Variants in POLE observed in about 807,000 individuals in gnomAD.
POLE encodes the protein DNA polymerase epsilon, catalytic subunit.
Under a neutral mutation model 279.2 loss-of-function variants are expected in POLE, and 188 were observed. The observed-to-expected ratio is 0.67, with a 90% CI of 0.60 to 0.76. The LOEUF (loss-of-function observed/expected upper bound fraction) is 0.76, where lower values mean the gene tolerates loss of function less well. POLE is among the 30% of genes least tolerant of loss of function. The pLI is 0.00. For synonymous variants in POLE, 1,214 were observed against 1,172.5 expected (o/e 1.04, Z -0.72); for missense variants, 2,703 against 3,016.7 (o/e 0.90, Z 2.44).
At position 132,675,847 on chromosome 12, in the gene POLE, G is replaced by A. The variant is rs375767943; in HGVS notation, c.1021-27C>T. The stretch of plus-strand genomic sequence containing the variant: ...TGAACCCAAGTCACAGCAGTCAGAG[G>A]TCTGCTCTTTCTCTTCTTCAAGCTA... On this transcript the variant is annotated intron_variant, in intron 10 of 48. Transcript: ENST00000320574. This position sits in a 1 kb window ranked among gnomAD's most constrained non-coding sequence, Gnocchi z 4.3. 5.7e-6 allele frequency: 9 copies of A among 1,565,518 alleles called. No individual in the cohort carries two copies. In the African/African-American group the frequency reaches 1.1e-4, roughly 19 times the overall value.
rs1423232008 is a variant in POLE at position 132,671,800 on chromosome 12, C to A, written c.1794+415G>T. ...CACACTTTGTAAGTGTGCTTTCTAA[C>A]CATTATGTAAACAGATTTTACAGTC... is the stretch of plus-strand genomic sequence containing the variant. On this transcript the variant is annotated intron_variant, in intron 16 of 48. Coordinates refer to ENST00000320574, the MANE Select transcript of POLE (RefSeq NM_006231.4). Among the ~76,000 whole-genome samples the A allele has an allele frequency of 3.3e-5, 5 of 151,866 alleles. No homozygotes were observed. In the East Asian group the frequency reaches 9.6e-4, roughly 29 times the overall value.
At chr12:132,660,300 CTGTG>C (rs2042650124) in intron 25 of POLE, 1 of 152,656 alleles carries the variant, frequency 6.6e-6, no homozygotes, top group Non-Finnish European at 1.5e-5. Flanking sequence ...CATGAATATT[CTGTG>C]TGATACCCTG....
Position 132,664,070 on chromosome 12 carries a change from C to G in POLE, c.2640G>C (p.Thr880=). 1 of 1,614,168 alleles carries G rather than the reference C, an allele frequency of 6.2e-7. No individual in the cohort carries two copies. Among genetic ancestry groups the G allele is most frequent in the South Asian group, 1.1e-5 (1 of 91,086 alleles). Residue 880 remains threonine, a synonymous_variant, in exon 23 of 49, where the codon ACG becomes ACC. Coordinates refer to ENST00000320574, the MANE Select transcript of POLE (RefSeq NM_006231.4). This position sits in a 1 kb window ranked among gnomAD's most constrained non-coding sequence, Gnocchi z 5.3. ...NSFPENFVFK[T]TNVKKPKVTI... is the part of the protein sequence containing the mutation. ...TCACTTTGGGCTTCTTCACATTGGT[C>G]GTCTTGAAGACAAAATTTTCTGGGA...
intron 39 of POLE, chr12:132,641,275 A>G (rs1175896217): frequency 8.0e-6 from 3 of 373,620 alleles, no homozygotes; most frequent in Non-Finnish European, 1.6e-5. Context: ...CGCCCTCTGC[A>G]GCAGACCGAC....
At chr12:132,674,897 T>A (rs976613329) in intron 12 of POLE, among the ~76,000 whole-genome samples, 4 of 138,734 alleles carry the variant, frequency 2.9e-5, no homozygotes, top group South Asian at 2.4e-4. Flanking sequence ...TCCCTTCCCT[T>A]CCTTCCCTTC....
chr12:132,641,538 A>T, intron 39 of POLE, 109 bp downstream of exon 39: 1 of 891,014 alleles, frequency 1.1e-6, no homozygotes, highest in Non-Finnish European at 1.8e-6. Flanking sequence ...CTCTGCCATT[A>T]AGACTAAGGG....
intron 1 of POLE, among the ~76,000 whole-genome samples, chr12:132,683,387 C>A (rs553312089): frequency 6.6e-6 from 1 of 152,208 alleles, no homozygotes; most frequent in East Asian, 1.9e-4. Context: ...AGCAAGGAAA[C>A]AGATTCTCCC....
At chr12:132,681,350 TTC>T in intron 1 of POLE, 71 bp from the exon 2 acceptor site, 1 of 1,536,666 alleles carries the variant, frequency 6.5e-7, no homozygotes, top group Non-Finnish European at 8.8e-7. Context: ...TTTCTTTTTT[TTC>T]TTTTTTTTTG....
intron 40 of POLE, chr12:132,638,910 G>A (rs1332045415): frequency 1.7e-6 from 1 of 573,918 alleles, no homozygotes; most frequent in Non-Finnish European, 3.1e-6. Flanking sequence ...GGGCAGGAGA[G>A]GAGGTGCCAC....
In POLE at chr12:132,682,301, A is replaced by AAT. The variant is rs60559668; in HGVS notation, c.63-1023_63-1022insAT. On this transcript the variant is annotated intron_variant, in intron 1 of 48. Transcript: ENST00000320574. ...AGAGCGAGACTCCGGCAAAAAAAAAAAAATAAATAAAAATAAATAAATAAA... is the reference window on the plus strand; with the variant it reads ...AGAGCGAGACTCCGGCAAAAAAAAAAATAAATAAATAAAAATAAATAAATAAA... Among the ~76,000 whole-genome samples the AAT allele has an allele frequency of 3.6e-3, 507 of 138,942 alleles. 10 individuals carry two copies. Among genetic ancestry groups the AAT allele is most frequent in the African/African-American group, 0.013 (478 of 35,416 alleles). 91.2% of individuals were successfully genotyped at this position (138,942 alleles called of 152,430 possible).
At chr12:132,637,705 G>C (rs2042061041) in intron 41 of POLE, among the ~76,000 whole-genome samples, 2 of 152,232 alleles carry the variant, frequency 1.3e-5, no homozygotes, top group Non-Finnish European at 2.9e-5. Flanking sequence ...AGGGCACCTT[G>C]AATCTGTGCC....
At chr12:132,640,870 C>A in intron 39 of POLE, 1 of 410,946 alleles carries the variant, frequency 2.4e-6, no homozygotes, top group Non-Finnish European at 4.9e-6. Context: ...TCCCGGCTCC[C>A]AACTGCCTCC....
intron 15 of POLE, 123 bp downstream of exon 15, chr12:132,672,504 C>T (rs911711369): frequency 8.5e-7 from 1 of 1,173,164 alleles, no homozygotes; most frequent in Non-Finnish European, 1.2e-6. Context: ...CCAGAGAAGC[C>T]ACACCCGGTG....
rs777503236 is a variant in POLE, at chr12:132,625,755, G to A, written c.6547C>T (p.Pro2183Ser). Residue 2183 changes from proline (P) to serine (S), a missense_variant, in exon 47 of 49, where the codon CCT becomes TCT. Pro to Ser is a moderately conservative substitution (Grantham distance 74, BLOSUM62 -1). Around this residue, in one of 5 missense-constraint regions of POLE, gnomAD observed 1,551 missense variants for 1,686.1 expected, o/e 0.92. Coordinates refer to ENST00000320574, the MANE Select transcript of POLE (RefSeq NM_006231.4). ...SSFSEDGAVL[P>S]QWLCSNCQAP... ...TGACAGTTGGAGCAGAGCCACTGAG[G>A]CAGGACCGCCCCATCCTAGGCAGAG... 6.2e-6 allele frequency: 10 copies of A among 1,611,624 alleles called. No individual in the cohort carries two copies. The highest frequency in any genetic ancestry group is 2.2e-5 in the South Asian group (2 of 91,094).
intron 20 of POLE, among the ~76,000 whole-genome samples, chr12:132,666,702 A>G (rs59762387): frequency 0.51 from 77,469 of 151,804 alleles, 20,531 homozygotes; most frequent in East Asian, 0.7. Context: ...GAATGGGGTC[A>G]CTAGGGGCCA....
intron 26 of POLE, 65 bp downstream of exon 26, chr12:132,659,230 A>G (rs5744863): frequency 2.0e-6 from 3 of 1,474,804 alleles, no homozygotes; most frequent in East Asian, 2.4e-5. Flanking sequence ...TCCGTGACGG[A>G]GGGAGCCCTC....
In POLE at chr12:132,625,681, T is replaced by C. The variant is rs775965749; in HGVS notation, c.6621A>G (p.Leu2207=). Residue 2207 remains leucine (L), a synonymous_variant, in exon 47 of 49, where the codon CTA becomes CTG. Transcript: ENST00000320574. ...GGGTGAAGGCCATCAGCTTCTTCTG[T>C]AGAACTTCCACCAGCGTCATCTCGA... ...SAIEMTLVEV[L]QKKLMAFTLQ... 1.2e-6 allele frequency: 2 copies of C among 1,613,726 alleles called. No homozygotes were observed. The highest frequency in any genetic ancestry group is 1.7e-6 in the Non-Finnish European group (2 of 1,180,024).
Position 132,642,409 on chromosome 12 carries a change from C to T in POLE, c.4953-12G>A. 1 of 1,584,054 alleles carries T rather than the reference C, an allele frequency of 6.3e-7. No homozygotes were observed. Among genetic ancestry groups the T allele is most frequent in the Non-Finnish European group, 8.6e-7 (1 of 1,161,478 alleles). On this transcript the variant is annotated splice_polypyrimidine_tract_variant and intron_variant, in intron 37 of 48. Transcript: ENST00000320574. Reference sequence around the variant, plus strand: ...GAATGTGAAAGTACCTGCACCAGGGCACAGGTCAGCACCGGGGCACATCGC... The same window carrying T: ...GAATGTGAAAGTACCTGCACCAGGGTACAGGTCAGCACCGGGGCACATCGC...
chr12:132,680,924 C>T, intron 2 of POLE: 1 of 635,118 alleles, frequency 1.6e-6, no homozygotes. Context: ...ATTCTGATGG[C>T]TAAAAGAGAT....
Sources: gnomAD v4.1 joint callset for allele counts (sites outside exome capture counted in the v4.1 genomes callset) on GRCh38, gnomAD v4.1.1 for gene constraint, gnomAD v4.1.1 regional missense constraint, Gnocchi (gnomAD v3.1) non-coding constraint, MANE v1.5 for transcripts, NCBI Gene and HGNC (gene_info 2026-07-23, HGNC 2026-07-21) for gene names.